The following GSDMA variants were observed in gnomAD, a reference collection of about 807,000 sequenced individuals.
GSDMA encodes the protein gasdermin-A.
A neutral mutation model predicts 54.3 loss-of-function variants in GSDMA; 55 were observed. The observed-to-expected ratio is 1.01, with a 90% CI of 0.82 to 1.27. GSDMA has a LOEUF of 1.27. Ranked by LOEUF, GSDMA falls within the 50% of genes most tolerant of loss-of-function variation. The probability of loss-of-function intolerance (pLI) is 0.00; values close to 1 mark genes in which losing one functional copy is unlikely to be tolerated. For synonymous variants in GSDMA, 211 were observed against 224.7 expected (o/e 0.94, Z 0.54); for missense variants, 542 against 542.6 (o/e 1.00, Z 0.01).
At chr17:39,974,002 T>C (rs1193550220) in intron 8 of GSDMA, among the ~76,000 whole-genome samples, 172 bp downstream of exon 8, 1 of 152,182 alleles carries the variant, frequency 6.6e-6, no homozygotes, top group Non-Finnish European at 1.5e-5. Context: ...TGTACTGATA[T>C]GGGATAAGGC....
At position 39,977,243 on chromosome 17, in the gene GSDMA, A is replaced by G; in HGVS notation, c.*185A>G. 1 of 624,214 alleles carries G rather than the reference A, an allele frequency of 1.6e-6. No homozygotes were observed. The highest frequency in any genetic ancestry group is 2.8e-6 in the Non-Finnish European group (1 of 362,654). The allele number at this position is 624,214 out of a possible 1,614,324, so 38.7% of individuals were successfully genotyped here. A position where few individuals can be genotyped will look rare whatever the true frequency, so the allele number is the denominator to read the frequency against. On this transcript the variant is annotated 3_prime_UTR_variant, in exon 12 of 12. Transcript: ENST00000301659. ...CACCCCCTACCCCTCCAGCTCCGCA[A>G]CCCACTAAGCCCATCTGCTGATGCT...
chr17:39,974,815 G>A lies in GSDMA; in HGVS notation c.907-85G>A, dbSNP rs554625858. ...AAATCAGGAAATGGAGAGAGTTTCC[G>A]CATGTCAAGGGGTTATTATGTGCTG... is the stretch of plus-strand genomic sequence containing the variant. On this transcript the variant is annotated intron_variant, in intron 9 of 11. Transcript: ENST00000301659. 1.9e-4 allele frequency: 138 copies of A among 737,492 alleles called. No homozygotes were observed. The African/African-American group carries it at 2.0e-3, about 11-fold the overall frequency. The allele number at this position is 737,492 out of a possible 1,614,324, so 45.7% of individuals were successfully genotyped here.
rs1980064520 is a variant in GSDMA at position 39,973,699 on chromosome 17, A to G, written c.731-111A>G. The G allele has an allele frequency of 1.4e-5, 12 of 883,556 alleles. No individual in the cohort carries two copies. The South Asian group carries it at 2.0e-4, about 15-fold the overall frequency. 54.7% of individuals were successfully genotyped at this position (883,556 alleles called of 1,614,324 possible). A position where few individuals can be genotyped will look rare whatever the true frequency, so the allele number is the denominator to read the frequency against. Reference sequence around the variant, plus strand: ...AGGAACAAGGTAGCTGGGCTCTCCCAGGAGACAGGCAGGATGTATTTCCTC... The same window carrying G: ...AGGAACAAGGTAGCTGGGCTCTCCCGGGAGACAGGCAGGATGTATTTCCTC... On this transcript the variant is annotated intron_variant, in intron 7 of 11. Transcript: ENST00000301659.
chr17:39,966,244 C>A lies in GSDMA; in HGVS notation c.215-16C>A. Reference sequence around the variant, plus strand: ...ACCCAGCCAGCCCAGCCCCTTTTGTCTTTTCCCTCCTGCAGACCCAACAGA... The same window carrying A: ...ACCCAGCCAGCCCAGCCCCTTTTGTATTTTCCCTCCTGCAGACCCAACAGA... On this transcript the variant is annotated splice_polypyrimidine_tract_variant and intron_variant, in intron 2 of 11. Coordinates refer to ENST00000301659, the MANE Select transcript of GSDMA (RefSeq NM_178171.5). 6.2e-7 allele frequency: 1 copy of A among 1,613,552 alleles called. No individual in the cohort carries two copies. The highest frequency in any genetic ancestry group is 8.5e-7 in the Non-Finnish European group (1 of 1,179,692).
intron 6 of GSDMA, among the ~76,000 whole-genome samples, 155 bp downstream of exon 6, chr17:39,972,331 A>AG (rs5820314): frequency 0.8 from 121,848 of 152,078 alleles, 48,946 homozygotes; most frequent in East Asian, 0.88. Context: ...CCTCAACTTT[A>AG]GAAAGACAGA....
At position 39,972,140 on chromosome 17, in the gene GSDMA, A is replaced by G. The variant is rs747241988; in HGVS notation, c.667A>G (p.Ile223Val). The G allele has an allele frequency of 6.3e-7, 1 of 1,592,232 alleles. No homozygotes were observed. The highest frequency in any genetic ancestry group is 1.7e-5 in the Admixed American group (1 of 59,132). Residue 223 changes from isoleucine to valine, a missense_variant, in exon 6 of 12, where the codon ATC becomes GTC. By Grantham distance (29) the Ile-to-Val change is conservative (BLOSUM62 3). Coordinates refer to ENST00000301659, the MANE Select transcript of GSDMA (RefSeq NM_178171.5). ...CTTGCCCTTCACAGATATTCCACAT[A>G]TCTGCAATGATAACATGCAAACCTT... is the stretch of plus-strand genomic sequence containing the variant. Reference protein sequence around the residue: ...KGKDEWDIPHICNDNMQTFPP... With the variant: ...KGKDEWDIPHVCNDNMQTFPP...
intron 10 of GSDMA, among the ~76,000 whole-genome samples, 171 bp from the exon 11 acceptor site, chr17:39,975,753 C>A (rs926973457): frequency 6.6e-6 from 1 of 152,162 alleles, no homozygotes; most frequent in East Asian, 1.9e-4. Context: ...CCTTAGGAAG[C>A]CTGCCCTCCG....
chr17:39,970,544 T>A lies in GSDMA; in HGVS notation c.455T>A (p.Val152Glu). The A allele has an allele frequency of 6.2e-7, 1 of 1,608,600 alleles. No individual in the cohort carries two copies. Among genetic ancestry groups the A allele is most frequent in the East Asian group, 2.3e-5 (1 of 44,070 alleles). Residue 152 changes from valine to glutamate, a missense_variant, in exon 4 of 12, where the codon GTG (valine) becomes GAG (glutamate). Val to Glu is a moderately radical substitution (Grantham distance 121, BLOSUM62 -2). Coordinates refer to ENST00000301659, the MANE Select transcript of GSDMA (RefSeq NM_178171.5). ...EMQDQGENLY[V>E]VMEVVETVQE... ...CAAGATCAAGGGGAGAACCTGTATG[T>A]GGTGATGGAGGTGGTGGAGACGGTG...
intron 7 of GSDMA, 93 bp from the exon 8 acceptor site, chr17:39,973,717 A>G (rs1980065472): frequency 9.7e-7 from 1 of 1,035,604 alleles, no homozygotes; most frequent in African/African-American, 1.6e-5. Context: ...GGCAGGATGT[A>G]TTTCCTCATC....
intron 8 of GSDMA, 51 bp from the exon 9 acceptor site, chr17:39,974,222 G>A: frequency 6.5e-7 from 1 of 1,546,702 alleles, no homozygotes; most frequent in Non-Finnish European, 8.7e-7. Context: ...ATGCTGACTG[G>A]AGAGGAAGGT....
In GSDMA at chr17:39,976,737, C is replaced by A. The variant is rs776241412; in HGVS notation, c.1096-79C>A. On this transcript the variant is annotated intron_variant, in intron 11 of 11. Coordinates refer to ENST00000301659, the MANE Select transcript of GSDMA (RefSeq NM_178171.5). ...AGGAATTCTAATAAGGGGAATGTAA[C>A]CTTCTTGTGATTTTTGTGAGTTAGG... is the stretch of plus-strand genomic sequence containing the variant. 5.8e-5 allele frequency: 91 copies of A among 1,568,780 alleles called. No individual in the cohort carries two copies. The Middle Eastern group carries it at 1.0e-3, about 18-fold the overall frequency.
In GSDMA at chr17:39,975,016, T is replaced by C. The variant is rs143977395; in HGVS notation, c.1021+2T>C. 61 of 1,561,920 alleles carry C rather than the reference T, an allele frequency of 3.9e-5. No homozygotes were observed. In the African/African-American group the frequency reaches 7.0e-4, roughly 18 times the overall value. On this transcript the variant is annotated splice_donor_variant, in intron 10 of 11. Coordinates refer to ENST00000301659, the MANE Select transcript of GSDMA (RefSeq NM_178171.5). LOFTEE classifies it high-confidence loss of function. ...TCTATTTCGTTGGAGCCCTAACAGG[T>C]AAGTGGGGAATAAGGTCTTCATTTA...
chr17:39,972,316 C>T (rs1466547108), intron 6 of GSDMA, 140 bp downstream of exon 6: 1 of 613,824 alleles, frequency 1.6e-6, no homozygotes, highest in South Asian at 1.8e-5. Flanking sequence ...CCTAAGAATA[C>T]CTAGCCTCAA....
At position 39,965,667 on chromosome 17, in the gene GSDMA, C is replaced by T. The variant is rs747806128; in HGVS notation, c.-5-16C>T. ...GGCAGCCACCTTGACACTCTCCTGT[C>T]TCCCCACCTCCACAGAGACAATGAC... is the stretch of plus-strand genomic sequence containing the variant. On this transcript the variant is annotated splice_polypyrimidine_tract_variant and intron_variant, in intron 1 of 11. Coordinates refer to ENST00000301659, the MANE Select transcript of GSDMA (RefSeq NM_178171.5). 3.4e-5 allele frequency: 53 copies of T among 1,579,518 alleles called. No individual in the cohort carries two copies. Among genetic ancestry groups the T allele is most frequent in the Admixed American group, 2.9e-4 (16 of 54,708 alleles).
intron 3 of GSDMA, among the ~76,000 whole-genome samples, chr17:39,967,469 T>C (rs1047448962): frequency 1.3e-5 from 2 of 151,844 alleles, no homozygotes; most frequent in African/African-American, 4.8e-5. Context: ...GCGGAAGAGG[T>C]GCGAGTAGAA....
intron 7 of GSDMA, among the ~76,000 whole-genome samples, 197 bp downstream of exon 7, chr17:39,972,810 C>G (rs1980015831): frequency 6.6e-6 from 1 of 152,142 alleles, no homozygotes; most frequent in Non-Finnish European, 1.5e-5. Context: ...CCCAGGTGGT[C>G]TGACGCCTGA....
At chr17:39,965,308 T>TAAAG (rs1258466346) in intron 1 of GSDMA, among the ~76,000 whole-genome samples, 12 of 42,660 alleles carry the variant, frequency 2.8e-4, no homozygotes, top group African/African-American at 7.1e-4. Flanking sequence ...GAAAGAGAAA[T>TAAAG]AAATAAAGAA....
Position 39,977,010 on chromosome 17 carries a change from T to C in GSDMA, c.1290T>C (p.Ala430=), listed in dbSNP as rs1314010683. The change falls in exon 12 of 12, where the codon GCT becomes GCC. Residue 430 remains alanine (A), a synonymous_variant. Coordinates refer to ENST00000301659, the MANE Select transcript of GSDMA (RefSeq NM_178171.5). ...WDPDTLPRLC[A]LYAGLSLLQQ... is the part of the protein sequence containing the mutation. Reference sequence around the variant, plus strand: ...CAGACACCCTCCCTCGCCTCTGTGCTCTTTATGCAGGCCTCTCTCTCCTTC... The same window carrying C: ...CAGACACCCTCCCTCGCCTCTGTGCCCTTTATGCAGGCCTCTCTCTCCTTC... 3 of 1,613,922 alleles carry C rather than the reference T, an allele frequency of 1.9e-6. No individual in the cohort carries two copies. The highest frequency in any genetic ancestry group is 2.5e-6 in the Non-Finnish European group (3 of 1,179,880).
intron 3 of GSDMA, 70 bp downstream of exon 3, chr17:39,966,507 C>T (rs376275877): frequency 8.8e-6 from 12 of 1,370,154 alleles, no homozygotes; most frequent in African/African-American, 4.4e-5. Context: ...GTGCTTGGGG[C>T]CTTGAGCTGA....
Sources: allele counts gnomAD v4.1 joint callset (sites outside exome capture counted in the v4.1 genomes callset), GRCh38; gene constraint gnomAD v4.1.1; transcripts MANE v1.5; gene names NCBI Gene and HGNC (gene_info 2026-07-23, HGNC 2026-07-21).